Variants in RIPOR3 observed in about 807,000 individuals in gnomAD.
RIPOR3 encodes the protein family with sequence similarity 65 member C.
RIPOR3 carries 95 observed loss-of-function variants against 114.3 expected under a neutral mutation model. That is an observed-to-expected ratio of 0.83 (90% confidence interval 0.70 to 0.99). The LOEUF (loss-of-function observed/expected upper bound fraction) is 0.99, where lower values mean the gene tolerates loss of function less well. RIPOR3 is among the 50% of genes least tolerant of loss of function. RIPOR3 has a pLI of 0.00. For synonymous variants in RIPOR3, 575 were observed against 543.8 expected (o/e 1.06, Z -0.80); for missense variants, 1,252 against 1,266.9 (o/e 0.99, Z 0.18).
intron 20 of RIPOR3, among the ~76,000 whole-genome samples, chr20:50,589,154 G>A (rs1381224791): frequency 7.4e-6 from 1 of 135,632 alleles, no homozygotes; most frequent in Non-Finnish European, 1.6e-5. Context: ...TTCTTATTTT[G>A]TTGACTGTTT....
At chr20:50,688,161 A>AT (rs2123652006) in intron 1 of RIPOR3, among the ~76,000 whole-genome samples, 1 of 152,082 alleles carries the variant, frequency 6.6e-6, no homozygotes, top group South Asian at 2.1e-4. Context: ...ATGTATTTTT[A>AT]TTTTTTTGAG....
At position 50,618,270 on chromosome 20, in the gene RIPOR3, C is replaced by CAAAAAAAA. The variant is rs61215608; in HGVS notation, c.269+1708_269+1715dup. ...TGGGTGACAGAGTGAGACTCCGTCT[C>CAAAAAAAA]AAAAAAAAAAAAAAAAAAAAAAAAA... is the stretch of plus-strand genomic sequence containing the variant. On this transcript the variant is annotated intron_variant, in intron 3 of 21. Transcript: ENST00000327979. 1.0e-3 allele frequency among the ~76,000 whole-genome samples: 68 copies of CAAAAAAAA among 67,380 alleles called. 8 individuals carry two copies. The highest frequency in any genetic ancestry group is 3.8e-3 in the African/African-American group (53 of 13,952). The allele number at this position is 67,380 out of a possible 152,430, so 44.2% of individuals were successfully genotyped here.
intron 19 of RIPOR3, among the ~76,000 whole-genome samples, chr20:50,590,462 A>T (rs1229495024): frequency 2.6e-5 from 4 of 152,168 alleles, no homozygotes. Context: ...GGGTGGGGCG[A>T]TGGAGGGGCC....
rs56136460 is a variant in RIPOR3 at position 50,615,108 on chromosome 20, AGT to A, written c.348+892_348+893del. ...AATTTAATGGGGCATGCTATTTGTGAGTGTGTGTGTGTGTGTGTGTGTGTGTG... is the reference window on the plus strand; with the variant it reads ...AATTTAATGGGGCATGCTATTTGTGAGTGTGTGTGTGTGTGTGTGTGTGTG... On this transcript the variant is annotated intron_variant, in intron 4 of 21. Transcript: ENST00000327979. 5.5e-3 allele frequency among the ~76,000 whole-genome samples: 755 copies of A among 138,450 alleles called. 2 individuals carry two copies. Among genetic ancestry groups the A allele is most frequent in the Non-Finnish European group, 6.0e-3 (395 of 65,350 alleles). The allele number at this position is 138,450 out of a possible 152,430, so 90.8% of individuals were successfully genotyped here.
At chr20:50,681,577 T>G (rs1039017944) in intron 1 of RIPOR3, among the ~76,000 whole-genome samples, 2 of 152,228 alleles carry the variant, frequency 1.3e-5, no homozygotes, top group East Asian at 1.9e-4. Flanking sequence ...TTTCCATATC[T>G]GTAAAGTGGG....
chr20:50,605,271 C>G (rs1473808829), intron 11 of RIPOR3, among the ~76,000 whole-genome samples: 1 of 151,996 alleles, frequency 6.6e-6, no homozygotes. Flanking sequence ...ATTTCCACCC[C>G]CAAGACAACC....
At chr20:50,638,768 A>G (rs2085087938) in intron 1 of RIPOR3, among the ~76,000 whole-genome samples, 1 of 152,168 alleles carries the variant, frequency 6.6e-6, no homozygotes, top group Non-Finnish European at 1.5e-5. Context: ...TGGGAATCCC[A>G]TCTCAAACGT....
rs946554432 is a variant in RIPOR3, at chr20:50,661,733, A to C, written c.3+29393T>G. Among the ~76,000 whole-genome samples, 3 of 152,296 alleles carry C rather than the reference A, an allele frequency of 2.0e-5. No homozygotes were observed. The East Asian group carries it at 5.8e-4, about 29-fold the overall frequency. On this transcript the variant is annotated intron_variant, in intron 1 of 21. Transcript: ENST00000327979. ...ACAAAGGGTGAAGCCAGGACTCCTG[A>C]GTCTAAAGGGCAGGTCGGGGCCTGG...
At chr20:50,598,175 A>G (rs1341859808) in intron 13 of RIPOR3, among the ~76,000 whole-genome samples, 1 of 152,180 alleles carries the variant, frequency 6.6e-6, no homozygotes, top group African/African-American at 2.4e-5. Flanking sequence ...AGTATTTTAA[A>G]TACATGGTGT....
At chr20:50,687,407 T>C (rs1243413411) in intron 1 of RIPOR3, among the ~76,000 whole-genome samples, 3 of 152,232 alleles carry the variant, frequency 2.0e-5, no homozygotes, top group Non-Finnish European at 4.4e-5. Flanking sequence ...TGAATTCCTT[T>C]GGAAGAGGAC....
Position 50,620,100 on chromosome 20 carries a change from C to T in RIPOR3, c.155G>A (p.Arg52Gln), listed in dbSNP as rs144499415. The change falls in exon 3 of 22, where the codon CGA becomes CAA. Residue 52 changes from arginine to glutamine, a missense_variant. Coordinates refer to ENST00000327979, the MANE Select transcript of RIPOR3 (RefSeq NM_001290268.2). ...KSINRNSVRS[R>Q]MPAKSSKMYG... ...CATCTTGGAGGATTTTGCAGGCATT[C>T]GCGATCTCACGGAGTTCCTGTTGAT... is the stretch of plus-strand genomic sequence containing the variant. 5.0e-6 allele frequency: 8 copies of T among 1,614,140 alleles called. No homozygotes were observed. The highest frequency in any genetic ancestry group is 1.6e-4 in the Middle Eastern group (1 of 6,062).
At chr20:50,638,755 AC>A (rs755900265) in intron 1 of RIPOR3, among the ~76,000 whole-genome samples, 58 of 152,198 alleles carry the variant, frequency 3.8e-4, no homozygotes, top group South Asian at 1.2e-3. Flanking sequence ...GCACAGGCTG[AC>A]TTGGGAATCC....
chr20:50,620,689 C>A, intron 2 of RIPOR3: 1 of 255,194 alleles, frequency 3.9e-6, no homozygotes, highest in Non-Finnish European at 7.4e-6. Context: ...AAATAAGGAG[C>A]CTAGATTTGA....
intron 2 of RIPOR3, among the ~76,000 whole-genome samples, chr20:50,621,796 GCT>G (rs2084417043): frequency 6.6e-6 from 1 of 152,310 alleles, no homozygotes; most frequent in African/African-American, 2.4e-5. Flanking sequence ...GAGCCAACTG[GCT>G]CTCTTTTTTA....
intron 4 of RIPOR3, among the ~76,000 whole-genome samples, chr20:50,612,287 T>C (rs1180681962): frequency 6.6e-6 from 1 of 152,126 alleles, no homozygotes; most frequent in East Asian, 1.9e-4. Flanking sequence ...CAAAGTTTTG[T>C]CCTAACTAAG....
At chr20:50,658,773 CTTT>C (rs1167455196) in intron 1 of RIPOR3, among the ~76,000 whole-genome samples, 1 of 152,088 alleles carries the variant, frequency 6.6e-6, no homozygotes, top group Non-Finnish European at 1.5e-5. Context: ...CTCCAGCCTT[CTTT>C]AAAAGATGAT....
intron 1 of RIPOR3, among the ~76,000 whole-genome samples, chr20:50,677,938 G>A (rs1346575732): frequency 2.0e-5 from 3 of 151,948 alleles, no homozygotes; most frequent in African/African-American, 7.3e-5. Context: ...CCAAAGTGCT[G>A]GGATTATAGG....
chr20:50,650,415 A>AG (rs2085559158), intron 1 of RIPOR3, among the ~76,000 whole-genome samples: 1 of 151,736 alleles, frequency 6.6e-6, no homozygotes, highest in Non-Finnish European at 1.5e-5. Flanking sequence ...CAATCCTCCC[A>AG]CCTCAGCCTC....
chr20:50,599,994 G>A (rs1431526635), intron 13 of RIPOR3, among the ~76,000 whole-genome samples: 2 of 151,922 alleles, frequency 1.3e-5, no homozygotes, highest in African/African-American at 4.8e-5. Context: ...TCCGCCTCCC[G>A]GGTTCAAGTG....
Sources: allele counts gnomAD v4.1 joint callset (sites outside exome capture counted in the v4.1 genomes callset), GRCh38; gene constraint gnomAD v4.1.1; transcripts MANE v1.5; gene names NCBI Gene and HGNC (gene_info 2026-07-23, HGNC 2026-07-21).